Variants in MSH3 observed in about 807,000 individuals in gnomAD.
MSH3 encodes mutS homolog 3, also known as DNA mismatch repair protein Msh3.
A neutral mutation model predicts 123.3 loss-of-function variants in MSH3; 106 were observed. The ratio of observed to expected loss-of-function variants is 0.86; its 90% CI spans 0.73 to 1.01. The LOEUF is 1.01. MSH3 is among the 50% of genes least tolerant of loss of function. The pLI, the probability that MSH3 is intolerant of heterozygous loss-of-function variation, is 0.00. For synonymous variants in MSH3, 515 were observed against 481.4 expected (o/e 1.07, Z -0.91); for missense variants, 1,459 against 1,347.6 (o/e 1.08, Z -1.29).
At chr5:80,725,631 G>C in intron 9 of MSH3, 66 bp downstream of exon 9, 1 of 1,051,186 alleles carries the variant, frequency 9.5e-7, no homozygotes, top group Non-Finnish European at 1.5e-6. Flanking sequence ...GTATTAGTAT[G>C]ATTCTCAATT....
intron 2 of MSH3, among the ~76,000 whole-genome samples, chr5:80,661,024 C>G (rs1749423381): frequency 6.6e-6 from 1 of 152,138 alleles, no homozygotes; most frequent in Non-Finnish European, 1.5e-5. Flanking sequence ...GTCTTGAACT[C>G]CTGACCTCGT....
intron 16 of MSH3, among the ~76,000 whole-genome samples, chr5:80,778,147 A>T (rs1286498714): frequency 6.6e-6 from 1 of 152,240 alleles, no homozygotes; most frequent in African/African-American, 2.4e-5. Context: ...GATGATACTC[A>T]AGCCCAGATG....
intron 8 of MSH3, among the ~76,000 whole-genome samples, chr5:80,705,033 G>A (rs183887930): frequency 2.0e-5 from 3 of 152,274 alleles, no homozygotes; most frequent in South Asian, 4.1e-4. Context: ...TCAAAAACAA[G>A]TATATGTTGA....
intron 20 of MSH3, among the ~76,000 whole-genome samples, chr5:80,847,925 T>G (rs773966993): frequency 6.6e-5 from 10 of 152,230 alleles, no homozygotes; most frequent in Admixed American, 1.3e-4. Flanking sequence ...TGAATTTATC[T>G]TCCAGGTTTA....
intron 22 of MSH3, among the ~76,000 whole-genome samples, chr5:80,868,809 G>T (rs913161990): frequency 3.3e-5 from 5 of 151,122 alleles, no homozygotes; most frequent in African/African-American, 1.2e-4. Context: ...TTCCATGTTC[G>T]AATTTATAGT....
intron 8 of MSH3, among the ~76,000 whole-genome samples, chr5:80,707,261 C>T (rs1362139282): frequency 6.6e-6 from 1 of 152,206 alleles, no homozygotes; most frequent in Non-Finnish European, 1.5e-5. Flanking sequence ...CATATACCAA[C>T]ATTTGTTTAT....
chr5:80,838,243 A>G (rs1745552835), intron 20 of MSH3, among the ~76,000 whole-genome samples: 1 of 152,220 alleles, frequency 6.6e-6, no homozygotes, highest in African/African-American at 2.4e-5. Context: ...CATGTCCACC[A>G]CAGGTACTTT....
chr5:80,687,652 T>G (rs1554067874), intron 8 of MSH3, among the ~76,000 whole-genome samples: 1 of 151,974 alleles, frequency 6.6e-6, no homozygotes, highest in Non-Finnish European at 1.5e-5. Context: ...ATTAGAGAAG[T>G]GTGAAGACAG....
At chr5:80,782,145 C>T (rs931665767) in intron 17 of MSH3, among the ~76,000 whole-genome samples, 5 of 151,936 alleles carry the variant, frequency 3.3e-5, no homozygotes, top group African/African-American at 9.7e-5. Flanking sequence ...TATGAACATA[C>T]ATACATATAT....
chr5:80,657,718 C>A (rs1401869021), intron 2 of MSH3, among the ~76,000 whole-genome samples: 1 of 151,850 alleles, frequency 6.6e-6, no homozygotes, highest in Non-Finnish European at 1.5e-5. Context: ...AATATTAATC[C>A]TTCCATAAAA....
chr5:80,713,019 T>C (rs1043240144), intron 8 of MSH3, among the ~76,000 whole-genome samples: 3 of 152,218 alleles, frequency 2.0e-5, no homozygotes, highest in Non-Finnish European at 4.4e-5. Flanking sequence ...ATCAGTGCTA[T>C]TATTACCAAT....
At chr5:80,800,698 C>A (rs1744776088) in intron 19 of MSH3, among the ~76,000 whole-genome samples, 1 of 152,126 alleles carries the variant, frequency 6.6e-6, no homozygotes, top group African/African-American at 2.4e-5. Flanking sequence ...GCTGTAATGC[C>A]TTTTGTGTAT....
At position 80,747,349 on chromosome 5, in the gene MSH3, C is replaced by T. The variant is rs554495798; in HGVS notation, c.1763+2734C>T. 1.7e-3 allele frequency among the ~76,000 whole-genome samples: 253 copies of T among 151,938 alleles called. 1 individual carries two copies. The highest frequency in any genetic ancestry group is 5.7e-3 in the African/African-American group (238 of 41,428). ...GACCATGTTGTCTGTTGTTAGGCGC[C>T]GAATCATGTATCTCTGGGGATCCTA... On this transcript the variant is annotated intron_variant, in intron 12 of 23. Transcript: ENST00000265081.
At chr5:80,846,740 C>T (rs1034471704) in intron 20 of MSH3, among the ~76,000 whole-genome samples, 3 of 152,234 alleles carry the variant, frequency 2.0e-5, no homozygotes, top group Admixed American at 6.5e-5. Flanking sequence ...GAGGGTATCT[C>T]CTGGTCTGCC....
intron 21 of MSH3, chr5:80,855,593 T>A (rs1370112075): frequency 6.6e-6 from 1 of 152,222 alleles, no homozygotes; most frequent in Non-Finnish European, 1.5e-5. Context: ...TGAGAATGAT[T>A]CCTGACTACC....
chr5:80,856,204 T>C (rs1330641623), intron 21 of MSH3, among the ~76,000 whole-genome samples: 2 of 152,126 alleles, frequency 1.3e-5, no homozygotes, highest in African/African-American at 4.8e-5. Flanking sequence ...TTCTTTGTTA[T>C]TTTGGCAGTG....
At position 80,820,058 on chromosome 5, in the gene MSH3, T is replaced by G. The variant is rs552456313; in HGVS notation, c.2813+6317T>G. On this transcript the variant is annotated intron_variant, in intron 20 of 23. Coordinates refer to ENST00000265081, the MANE Select transcript of MSH3 (RefSeq NM_002439.5). ...TTTATTTGCTTGCTCATTCCTTCATTCATGTTTTTCCTGTCATCTTCCAGA... is the reference window on the plus strand; with the variant it reads ...TTTATTTGCTTGCTCATTCCTTCATGCATGTTTTTCCTGTCATCTTCCAGA... Among the ~76,000 whole-genome samples the G allele has an allele frequency of 8.5e-5, 13 of 152,334 alleles. No individual in the cohort carries two copies. The East Asian group carries it at 1.4e-3, about 16-fold the overall frequency.
intron 8 of MSH3, among the ~76,000 whole-genome samples, chr5:80,688,071 T>C (rs977045043): frequency 7.6e-4 from 115 of 152,312 alleles, no homozygotes; most frequent in South Asian, 1.0e-3. Flanking sequence ...ATTGACTCTG[T>C]TATAGTTTAC....
intron 20 of MSH3, among the ~76,000 whole-genome samples, chr5:80,835,132 A>C (rs1227663679): frequency 6.6e-6 from 1 of 152,256 alleles, no homozygotes; most frequent in Non-Finnish European, 1.5e-5. Context: ...CCATTGGAGA[A>C]AGAAATGACC....
Sources: allele counts gnomAD v4.1 joint callset (sites outside exome capture counted in the v4.1 genomes callset), GRCh38; gene constraint gnomAD v4.1.1; transcripts MANE v1.5; gene names NCBI Gene and HGNC (gene_info 2026-07-23, HGNC 2026-07-21).